Variants in SEMA4D observed in about 807,000 individuals in gnomAD.
SEMA4D encodes the protein semaphorin 4D.
SEMA4D carries 22 observed loss-of-function variants against 74.8 expected under a neutral mutation model. The observed-to-expected ratio is 0.29, with a 90% CI of 0.21 to 0.42. The LOEUF (loss-of-function observed/expected upper bound fraction) is 0.42, where lower values mean the gene tolerates loss of function less well. SEMA4D is among the 10% of genes least tolerant of loss of function. The pLI, the probability that SEMA4D is intolerant of heterozygous loss-of-function variation, is 1.00. For synonymous variants in SEMA4D, 445 were observed against 463.7 expected (o/e 0.96, Z 0.52); for missense variants, 937 against 1,118.4 (o/e 0.84, Z 2.31).
Position 89,386,436 on chromosome 9 carries a change from G to T in SEMA4D, c.1377C>A (p.His459Gln). Residue 459 changes from histidine (H) to glutamine (Q), a missense_variant, in exon 13 of 16, where the codon CAC becomes CAA. Physicochemically the swap from His to Gln is conservative, Grantham distance 24 (BLOSUM62 0). Transcript: ENST00000422704. ...GGAAGAGCTGGGTCTCCTCGATGAT[G>T]TGAACAGCGTGCTCGAGGCTGATGG... is the stretch of plus-strand genomic sequence containing the variant. ...HKAISLEHAV[H>Q]IIEETQLFQD... 1 of 1,614,124 alleles carries T rather than the reference G, an allele frequency of 6.2e-7. No homozygotes were observed. Among genetic ancestry groups the T allele is most frequent in the Non-Finnish European group, 8.5e-7 (1 of 1,179,990 alleles).
chr9:89,384,174 G>A (rs1837863371), intron 13 of SEMA4D, among the ~76,000 whole-genome samples: 1 of 152,216 alleles, frequency 6.6e-6, no homozygotes, highest in Non-Finnish European at 1.5e-5. Flanking sequence ...GCAAGGACTT[G>A]AGGTATCTGC....
chr9:89,473,745 C>T (rs1174023516), intron 1 of SEMA4D, among the ~76,000 whole-genome samples: 11 of 151,970 alleles, frequency 7.2e-5, no homozygotes, highest in Non-Finnish European at 7.4e-5. Flanking sequence ...ATCCCAGCTA[C>T]TTGGGAGGCT....
At chr9:89,416,638 C>A (rs190000747) in intron 2 of SEMA4D, among the ~76,000 whole-genome samples, 1 of 152,120 alleles carries the variant, frequency 6.6e-6, no homozygotes, top group Non-Finnish European at 1.5e-5. Context: ...CACACATGAA[C>A]GTGGACAGAC....
chr9:89,497,848 G>A (rs1826157438), intron 1 of SEMA4D, 71 bp downstream of exon 1: 2 of 151,172 alleles, frequency 1.3e-5, no homozygotes, highest in African/African-American at 2.4e-5. Flanking sequence ...CTCCGCGGAG[G>A]GTCCAGGCCG....
chr9:89,478,624 A>T (rs1352372187), intron 1 of SEMA4D, among the ~76,000 whole-genome samples: 2 of 152,178 alleles, frequency 1.3e-5, no homozygotes, highest in Non-Finnish European at 2.9e-5. Flanking sequence ...GAAAGCAAGA[A>T]AGCCCCCAAT....
rs150159647 is a variant in SEMA4D at position 89,391,730 on chromosome 9, A to C, written c.623-315T>G. ...CCTCCTGACTGGAAGGCAGGGAGCC[A>C]GATGGTACCAGCATCAGAGACCTAC... On this transcript the variant is annotated intron_variant, in intron 8 of 15. Transcript: ENST00000422704. 3.9e-5 allele frequency among the ~76,000 whole-genome samples: 6 copies of C among 152,342 alleles called. No homozygotes were observed. The East Asian group carries it at 1.2e-3, about 29-fold the overall frequency.
At position 89,454,915 on chromosome 9, in the gene SEMA4D, G is replaced by A. The variant is rs188559305; in HGVS notation, c.-244+973C>T. On this transcript the variant is annotated intron_variant, in intron 2 of 15. Coordinates refer to ENST00000422704, the MANE Select transcript of SEMA4D (RefSeq NM_001371194.2). ...CGGGTGAGGAAGCCCCGCCCCTCGA[G>A]GAAGCTGCCCCGGGTGGCTCTGCCT... Among the ~76,000 whole-genome samples the A allele has an allele frequency of 2.0e-3, 312 of 152,390 alleles. 3 individuals are homozygous for A. The highest frequency in any genetic ancestry group is 7.3e-3 in the African/African-American group (303 of 41,592).
intron 1 of SEMA4D, among the ~76,000 whole-genome samples, chr9:89,471,750 GTGCA>G (rs1418183501): frequency 1.3e-5 from 2 of 150,754 alleles, no homozygotes; most frequent in Non-Finnish European, 3.0e-5. Context: ...GCCAGCTCAG[GTGCA>G]TGCCAACTCA....
At chr9:89,439,961 T>G (rs1203512854) in intron 2 of SEMA4D, among the ~76,000 whole-genome samples, 1 of 152,218 alleles carries the variant, frequency 6.6e-6, no homozygotes, top group Non-Finnish European at 1.5e-5. Context: ...ATTGGCACAC[T>G]GCCCCTCAAT....
chr9:89,441,269 C>T (rs755096013), intron 2 of SEMA4D, among the ~76,000 whole-genome samples: 110 of 152,282 alleles, frequency 7.2e-4, no homozygotes, highest in Non-Finnish European at 1.2e-3. Flanking sequence ...ACGCGCAGGA[C>T]TCGGCCGGGC....
Position 89,377,276 on chromosome 9 carries a change from T to C in SEMA4D, c.*1428A>G. On this transcript the variant is annotated 3_prime_UTR_variant, in exon 16 of 16. Transcript: ENST00000422704. Reference sequence around the variant, plus strand: ...CTCATTTATTTGGGTACTTTCCAAATGTATACAATTCAAAGTAGAAAAATA... The same window carrying C: ...CTCATTTATTTGGGTACTTTCCAAACGTATACAATTCAAAGTAGAAAAATA... The C allele has an allele frequency of 1.8e-6, 1 of 567,272 alleles. No homozygotes were observed. Among genetic ancestry groups the C allele is most frequent in the Non-Finnish European group, 2.8e-6 (1 of 354,638 alleles). The allele number at this position is 567,272 out of a possible 1,614,324, so 35.1% of individuals were successfully genotyped here.
chr9:89,480,173 T>C (rs1260184448), intron 1 of SEMA4D, among the ~76,000 whole-genome samples: 1 of 151,360 alleles, frequency 6.6e-6, no homozygotes. Flanking sequence ...GTATTTACAA[T>C]CCCTGAGCTA....
rs149289911 is a variant in SEMA4D at position 89,367,777 on chromosome 9, G to A, written c.1883-3827C>T. On this transcript the variant is annotated intron_variant, in intron 16 of 18. Transcript: ENST00000339861. ...GACTGATCACCTTGGTATAAGCAAG[G>A]GCCAGGTTTATTCACCAGGGCTGGG... 24 of 152,328 alleles carry A rather than the reference G, an allele frequency of 1.6e-4. 1 individual carries two copies. The highest frequency in any genetic ancestry group is 5.3e-4 in the African/African-American group (22 of 41,556). The allele number at this position is 152,328 out of a possible 1,614,324, so 9.4% of individuals were successfully genotyped here. A position where few individuals can be genotyped will look rare whatever the true frequency, so the allele number is the denominator to read the frequency against.
intron 1 of SEMA4D, chr9:89,472,149 T>C: frequency 5.4e-6 from 1 of 185,696 alleles, no homozygotes; most frequent in Non-Finnish European, 1.1e-5. Flanking sequence ...AAAAGAGTCA[T>C]GCTCTTTGCT....
At chr9:89,407,283 A>AGGCTGATT (rs1478610928) in intron 2 of SEMA4D, among the ~76,000 whole-genome samples, 1 of 150,846 alleles carries the variant, frequency 6.6e-6, no homozygotes, top group East Asian at 1.9e-4. Flanking sequence ...TCTTTAAAGG[A>AGGCTGATT]GGCTGATTCA....
At chr9:89,449,517 C>G in intron 2 of SEMA4D, 1 of 753,632 alleles carries the variant, frequency 1.3e-6, no homozygotes, top group East Asian at 2.5e-5. Flanking sequence ...GGCAGAGGGG[C>G]GGCTCAGGGG....
chr9:89,470,241 C>A (rs1859827168), intron 1 of SEMA4D, among the ~76,000 whole-genome samples: 1 of 152,096 alleles, frequency 6.6e-6, no homozygotes, highest in Non-Finnish European at 1.5e-5. Flanking sequence ...ACATATCTGA[C>A]AAAGAACTTG....
chr9:89,392,919 G>A (rs921924359), intron 7 of SEMA4D, among the ~76,000 whole-genome samples: 2 of 152,080 alleles, frequency 1.3e-5, no homozygotes, highest in African/African-American at 2.4e-5. Context: ...GTAGAGATGG[G>A]GTTTAACCCT....
intron 2 of SEMA4D, among the ~76,000 whole-genome samples, chr9:89,454,350 G>A (rs1012624427): frequency 6.6e-6 from 1 of 152,182 alleles, no homozygotes; most frequent in African/African-American, 2.4e-5. Context: ...GTCTCCAGGA[G>A]TGGCCACAGA....
Sources: allele counts gnomAD v4.1 joint callset (sites outside exome capture counted in the v4.1 genomes callset), GRCh38; gene constraint gnomAD v4.1.1; transcripts MANE v1.5; gene names NCBI Gene and HGNC (gene_info 2026-07-23, HGNC 2026-07-21).